BRD8: variants seen among roughly 807,000 people sequenced by gnomAD.
BRD8 encodes the protein bromodomain containing 8, also known as bromodomain-containing protein 8.
In BRD8, 67 loss-of-function variants were observed where a neutral mutation model predicts 143.1. The ratio of observed to expected loss-of-function variants is 0.47; its 90% CI spans 0.38 to 0.57. The LOEUF (loss-of-function observed/expected upper bound fraction) is 0.57. Ranked by LOEUF, BRD8 falls within the 20% of genes least tolerant of loss-of-function variation. The pLI, the probability that BRD8 is intolerant of heterozygous loss-of-function variation, is 0.00. For synonymous variants in BRD8, 505 were observed against 517.1 expected (o/e 0.98, Z 0.32); for missense variants, 1,103 against 1,503.0 (o/e 0.73, Z 4.40).
At chr5:138,155,901 T>A (rs1752570603) in intron 20 of BRD8, among the ~76,000 whole-genome samples, 1 of 151,956 alleles carries the variant, frequency 6.6e-6, no homozygotes, top group East Asian at 1.9e-4. Flanking sequence ...TGAGAAAGGG[T>A]CTTGCTCTTT....
Position 138,152,749 on chromosome 5 carries a change from C to G in BRD8, c.2589G>C (p.Glu863Asp). ...CTTGTTCAGAATCCAGCCAAACCCACTCGTGTCCCATCTGTAAATACACAG... is the reference window on the plus strand; with the variant it reads ...CTTGTTCAGAATCCAGCCAAACCCAGTCGTGTCCCATCTGTAAATACACAG... Reference protein sequence around the residue: ...AFLLSLFMGHEWVWLDSEQDH... With the variant: ...AFLLSLFMGHDWVWLDSEQDH... The change falls in exon 21 of 27, where the codon GAG becomes GAC. Residue 863 changes from glutamate to aspartate, a missense_variant. Glu to Asp is a conservative substitution (Grantham distance 45). Coordinates refer to ENST00000254900, the MANE Select transcript of BRD8 (RefSeq NM_139199.2). 2 of 1,613,166 alleles carry G rather than the reference C, an allele frequency of 1.2e-6. No individual in the cohort carries two copies. Among genetic ancestry groups the G allele is most frequent in the Non-Finnish European group, 1.7e-6 (2 of 1,179,178 alleles).
chr5:138,176,883 G>A (rs1165255726), intron 2 of BRD8, among the ~76,000 whole-genome samples: 3 of 151,592 alleles, frequency 2.0e-5, no homozygotes, highest in Non-Finnish European at 4.4e-5. Context: ...GCAGGAGTTC[G>A]AGACCAGCCT....
Position 138,172,227 on chromosome 5 carries a change from T to C in BRD8, c.117-93A>G. ...AAGGCTTGGAGTTCAAACTTTGGAA[T>C]AAAAAAGATGCGAATGGCCAGGCGC... On this transcript the variant is annotated intron_variant, in intron 2 of 26. Transcript: ENST00000254900. 13 of 1,085,746 alleles carry C rather than the reference T, an allele frequency of 1.2e-5. No homozygotes were observed. The South Asian group carries it at 1.7e-4, about 14-fold the overall frequency. 67.3% of individuals were successfully genotyped at this position (1,085,746 alleles called of 1,614,324 possible). A position where few individuals can be genotyped will look rare whatever the true frequency, so the allele number is the denominator to read the frequency against.
intron 23 of BRD8, among the ~76,000 whole-genome samples, chr5:138,147,076 G>C (rs919848338): frequency 1.3e-5 from 2 of 149,236 alleles, no homozygotes; most frequent in African/African-American, 4.9e-5. Flanking sequence ...AGGAGTTAAA[G>C]AAAAGCAAAT....
intron 2 of BRD8, among the ~76,000 whole-genome samples, chr5:138,176,126 T>G (rs1017766566): frequency 6.6e-6 from 1 of 152,002 alleles, no homozygotes; most frequent in Non-Finnish European, 1.5e-5. Context: ...ACTTGGTATA[T>G]TCATACAACA....
chr5:138,172,204 G>A, intron 2 of BRD8, 70 bp from the exon 3 acceptor site: 1 of 1,268,982 alleles, frequency 7.9e-7, no homozygotes, highest in Non-Finnish European at 1.1e-6. Flanking sequence ...GAGAGTGCAA[G>A]GCTTGGAGTT....
In BRD8 at chr5:138,166,618, G is replaced by T; in HGVS notation, c.897C>A (p.Pro299=). 1 of 1,613,352 alleles carries T rather than the reference G, an allele frequency of 6.2e-7. No homozygotes were observed. The highest frequency in any genetic ancestry group is 8.5e-7 in the Non-Finnish European group (1 of 1,179,304). Reference sequence around the variant, plus strand: ...TAGCTTGGGACACAGACTCTACAGGGGGTGGCACAAGTTTAACTGGAGGCT... The same window carrying T: ...TAGCTTGGGACACAGACTCTACAGGTGGTGGCACAAGTTTAACTGGAGGCT... ...ASEPPVKLVP[P]PVESVSQATI... Residue 299 remains proline (P), a synonymous_variant, in exon 10 of 27, where the codon CCC becomes CCA. Coordinates refer to ENST00000254900, the MANE Select transcript of BRD8 (RefSeq NM_139199.2).
Position 138,149,768 on chromosome 5 carries a change from C to T in BRD8, c.3150G>A (p.Glu1050=), listed in dbSNP as rs777352837. ...CTGACACATATACTTCACCCTGGTC[C>T]TCCCCTTTGGATTCTTGCTGAGCCT... ...EGEAQQESKG[E]DQGEVYVSEM... The change falls in exon 23 of 27, where the codon GAG becomes GAA. Residue 1050 remains glutamate (E), a synonymous_variant. Coordinates refer to ENST00000254900, the MANE Select transcript of BRD8 (RefSeq NM_139199.2). 6.2e-7 allele frequency: 1 copy of T among 1,610,782 alleles called. No homozygotes were observed. The highest frequency in any genetic ancestry group is 8.5e-7 in the Non-Finnish European group (1 of 1,179,080).
chr5:138,158,138 C>T (rs1334550482), intron 20 of BRD8, among the ~76,000 whole-genome samples: 2 of 152,116 alleles, frequency 1.3e-5, no homozygotes, highest in African/African-American at 4.8e-5. Flanking sequence ...AGTTTCATAT[C>T]TATTATCTCA....
chr5:138,171,513 T>C, intron 3 of BRD8, 103 bp from the exon 4 acceptor site: 2 of 766,852 alleles, frequency 2.6e-6, no homozygotes, highest in Non-Finnish European at 4.5e-6. Flanking sequence ...AGAAGAGAAC[T>C]ATATGTAAGA....
intron 3 of BRD8, among the ~76,000 whole-genome samples, chr5:138,171,760 CTT>C (rs1297586677): frequency 6.6e-6 from 1 of 152,168 alleles, no homozygotes; most frequent in Non-Finnish European, 1.5e-5. Context: ...TGAAGCAACT[CTT>C]TTATCTCTAT....
intron 15 of BRD8, 78 bp downstream of exon 15, chr5:138,163,052 G>GGAAGAAAGACT: frequency 1.7e-6 from 2 of 1,156,884 alleles, no homozygotes; most frequent in Non-Finnish European, 1.2e-6. Flanking sequence ...AGAAAAGACA[G>GGAAGAAAGACT]GAAGGAAGGA....
chr5:138,155,203 T>C (rs893921338), intron 20 of BRD8, among the ~76,000 whole-genome samples: 2 of 151,652 alleles, frequency 1.3e-5, no homozygotes, highest in African/African-American at 4.8e-5. Context: ...TCCTAGCACT[T>C]TGGGAGGCCG....
At chr5:138,176,593 G>T (rs1754354556) in intron 2 of BRD8, among the ~76,000 whole-genome samples, 1 of 152,062 alleles carries the variant, frequency 6.6e-6, no homozygotes, top group Non-Finnish European at 1.5e-5. Flanking sequence ...TTAATTAATA[G>T]AAAGTAGATG....
At chr5:138,162,030 T>C in intron 16 of BRD8, 24 bp downstream of exon 16, 2 of 1,601,308 alleles carry the variant, frequency 1.2e-6, no homozygotes, top group Non-Finnish European at 1.7e-6. Context: ...AAAATGAACC[T>C]ACTGACTGGT....
Position 138,160,941 on chromosome 5 carries a change from C to T in BRD8, c.2377G>A (p.Val793Ile). 1 of 1,613,188 alleles carries T rather than the reference C, an allele frequency of 6.2e-7. No homozygotes were observed. Among genetic ancestry groups the T allele is most frequent in the Non-Finnish European group, 8.5e-7 (1 of 1,179,576 alleles). ...AVMYNSSDHDVYHMAVEMQRD... is the reference protein window; with the variant it reads ...AVMYNSSDHDIYHMAVEMQRD... Reference sequence around the variant, plus strand: ...TGCATCTCCACTGCCATGTGATAGACATCATGGTCTGAGCTATTGTACATT... The same window carrying T: ...TGCATCTCCACTGCCATGTGATAGATATCATGGTCTGAGCTATTGTACATT... Residue 793 changes from valine to isoleucine, a missense_variant, in exon 18 of 27, where the codon GTC (valine) becomes ATC (isoleucine). By Grantham distance (29) the Val-to-Ile change is conservative. Coordinates refer to ENST00000254900, the MANE Select transcript of BRD8 (RefSeq NM_139199.2).
rs761070738 is a variant in BRD8 at position 138,164,409 on chromosome 5, G to A, written c.1736C>T (p.Ser579Phe). The change falls in exon 13 of 27, where the codon TCC becomes TTC. Residue 579 changes from serine to phenylalanine, a missense_variant. Ser to Phe is a radical substitution (Grantham distance 155). Coordinates refer to ENST00000254900, the MANE Select transcript of BRD8 (RefSeq NM_139199.2). The stretch of plus-strand genomic sequence containing the variant: ...TGATGGAGACAACATGCTTTCAGGG[G>A]ATGCCTGAAAACCAGAAAAGAAAAA... ...TPLTNVKTEA[S>F]PESMLSPSHG... is the part of the protein sequence containing the mutation. 8.1e-6 allele frequency: 13 copies of A among 1,613,722 alleles called. No homozygotes were observed. The highest frequency in any genetic ancestry group is 3.3e-5 in the South Asian group (3 of 91,070).
chr5:138,171,924 A>C, intron 3 of BRD8, 141 bp downstream of exon 3: 1 of 728,012 alleles, frequency 1.4e-6, no homozygotes, highest in Middle Eastern at 2.8e-4. Flanking sequence ...ATTAGCAAAC[A>C]GTAGGAAAAA....
chr5:138,164,171 C>T lies in BRD8; in HGVS notation c.1826-38G>A, dbSNP rs1213491484. On this transcript the variant is annotated intron_variant, in intron 13 of 26. Coordinates refer to ENST00000254900, the MANE Select transcript of BRD8 (RefSeq NM_139199.2). Reference sequence around the variant, plus strand: ...GAAAGACTACCTGAAGATTTTTCCACCTTAGCCTTCCCCTTCCTATGGACC... The same window carrying T: ...GAAAGACTACCTGAAGATTTTTCCATCTTAGCCTTCCCCTTCCTATGGACC... 7 of 1,607,240 alleles carry T rather than the reference C, an allele frequency of 4.4e-6. No homozygotes were observed. In the Middle Eastern group the frequency reaches 5.0e-4, roughly 114 times the overall value.
Sources: gnomAD v4.1 joint callset for allele counts (sites outside exome capture counted in the v4.1 genomes callset) on GRCh38, gnomAD v4.1.1 for gene constraint, MANE v1.5 for transcripts, NCBI Gene and HGNC (gene_info 2026-07-23, HGNC 2026-07-21) for gene names.